ZNF407: variants seen among roughly 807,000 people sequenced by gnomAD.
The protein encoded by ZNF407 is zinc finger protein 407.
ZNF407 carries 17 observed loss-of-function variants against 131.2 expected under a neutral mutation model. The ratio of observed to expected loss-of-function variants is 0.13; its 90% CI spans 0.09 to 0.19. ZNF407 has a LOEUF of 0.19. Among genes scored for constraint, ZNF407 ranks in the 10% least tolerant of loss-of-function variants. ZNF407 has a pLI of 1.00. For missense variants in ZNF407, 2,681 were observed against 2,830.6 expected, an observed-to-expected ratio of 0.95 and a Z score of 1.20; for synonymous variants, 1,156 against 1,062.0, an observed-to-expected ratio of 1.09 and a Z score of -1.72.
chr18:74,795,241 C>T (rs1174794751), intron 4 of ZNF407, among the ~76,000 whole-genome samples: 2 of 151,956 alleles, frequency 1.3e-5, no homozygotes, highest in East Asian at 1.9e-4. Context: ...ACTCTGGGGC[C>T]GTTGGCAAAA....
chr18:74,697,018 T>C (rs556490006), intron 3 of ZNF407, among the ~76,000 whole-genome samples: 177 of 152,312 alleles, frequency 1.2e-3, no homozygotes, highest in African/African-American at 3.9e-3. Context: ...TTAGAAGGTC[T>C]CCAAATGATA....
rs750627056 is a variant in ZNF407, at chr18:74,631,689, G to A, written c.670G>A (p.Ala224Thr). The A allele has an allele frequency of 1.5e-5, 25 of 1,614,002 alleles. No individual in the cohort carries two copies. The South Asian group carries it at 2.7e-4, about 18-fold the overall frequency. ...TACCTGTTGTCACTGCAGCCACAAA[G>A]CAGAGAGCAGCTCAGCACTACATAT... ...EHTCCHCSHK[A>T]ESSSALHMHI... is the part of the protein sequence containing the mutation. The change falls in exon 2 of 9, where the codon GCA becomes ACA. Residue 224 changes from alanine (A) to threonine (T), a missense_variant. Coordinates refer to ENST00000299687, the MANE Select transcript of ZNF407 (RefSeq NM_017757.3).
intron 4 of ZNF407, among the ~76,000 whole-genome samples, chr18:74,833,633 A>G (rs529038525): frequency 6.6e-6 from 1 of 152,210 alleles, no homozygotes; most frequent in Non-Finnish European, 1.5e-5. Context: ...GGAGGTAAGC[A>G]AGGCTCAGGT....
intron 8 of ZNF407, among the ~76,000 whole-genome samples, chr18:75,032,100 G>A (rs188378073): frequency 2.6e-5 from 4 of 152,238 alleles, no homozygotes; most frequent in South Asian, 2.1e-4. Flanking sequence ...CACTCTAAAC[G>A]CCTGGACCCG....
chr18:74,876,976 C>T (rs377337496), intron 4 of ZNF407, among the ~76,000 whole-genome samples: 12 of 152,334 alleles, frequency 7.9e-5, no homozygotes, highest in African/African-American at 2.6e-4. Flanking sequence ...ATTTTTCAAA[C>T]CCGTTGGGCC....
rs1368685046 is a variant in ZNF407 at position 74,635,781 on chromosome 18, C to T, written c.4687+75C>T. 1.3e-6 allele frequency: 2 copies of T among 1,507,918 alleles called. No homozygotes were observed. The highest frequency in any genetic ancestry group is 1.8e-6 in the Non-Finnish European group (2 of 1,129,352). The allele number at this position is 1,507,918 out of a possible 1,614,324, so 93.4% of individuals were successfully genotyped here. On this transcript the variant is annotated intron_variant, in intron 2 of 8. Transcript: ENST00000299687. The surrounding 1 kb of genome is among the most constrained non-coding windows in gnomAD (Gnocchi z 4.7). ...TTCCCATCCAGATATGCAGCCCTAC[C>T]TGTGGCTGCTCATTGGCTTTCCACC...
intron 7 of ZNF407, among the ~76,000 whole-genome samples, chr18:74,916,954 A>C (rs552334794): frequency 6.6e-6 from 1 of 152,268 alleles, no homozygotes; most frequent in Admixed American, 6.5e-5. Flanking sequence ...GTAAAGGCCC[A>C]TGGAGGCTGA....
intron 3 of ZNF407, among the ~76,000 whole-genome samples, chr18:74,763,993 G>C (rs575461732): frequency 6.6e-6 from 1 of 151,874 alleles, no homozygotes; most frequent in African/African-American, 2.4e-5. Context: ...GATTACAGGC[G>C]TGAGCCACCG....
rs1164947021 is a variant in ZNF407, at chr18:74,816,498, C to T, written c.4877+34996C>T. On this transcript the variant is annotated intron_variant, in intron 4 of 8. Coordinates refer to ENST00000299687, the MANE Select transcript of ZNF407 (RefSeq NM_017757.3). ...CTGTTTCTATAAATGCATTTAAAAA[C>T]CTTTCTGAATGTTTATGGCTCTTAA... Among the ~76,000 whole-genome samples, 7 of 152,264 alleles carry T rather than the reference C, an allele frequency of 4.6e-5. No individual in the cohort carries two copies. In the South Asian group the frequency reaches 1.5e-3, roughly 32 times the overall value.
At chr18:74,638,199 A>G (rs1189981887) in intron 2 of ZNF407, among the ~76,000 whole-genome samples, 1 of 152,182 alleles carries the variant, frequency 6.6e-6, no homozygotes, top group African/African-American at 2.4e-5. Context: ...TAGGGCTGGT[A>G]GTGTTTGTAG....
In ZNF407 at chr18:74,630,849, A is replaced by G; in HGVS notation, c.-53-118A>G. On this transcript the variant is annotated intron_variant, in intron 1 of 8. Coordinates refer to ENST00000299687, the MANE Select transcript of ZNF407 (RefSeq NM_017757.3). ...AGACTTTAGACATGTAATCAAATTC[A>G]TCTCAGTATAAAGGGTGTTTCATTG... The G allele has an allele frequency of 4.6e-6, 3 of 658,112 alleles. No individual in the cohort carries two copies. The Admixed American group carries it at 1.1e-4, about 24-fold the overall frequency. 40.8% of individuals were successfully genotyped at this position (658,112 alleles called of 1,614,324 possible).
chr18:74,949,933 A>G, intron 8 of ZNF407, among the ~76,000 whole-genome samples: 1 of 152,168 alleles, frequency 6.6e-6, no homozygotes, highest in East Asian at 1.9e-4. Flanking sequence ...AAAAAACAAT[A>G]CTGATAGATT....
rs750239858 is a variant in ZNF407, at chr18:74,633,796, G to C, written c.2777G>C (p.Gly926Ala). The change falls in exon 2 of 9, where the codon GGT (glycine) becomes GCT (alanine). Residue 926 changes from glycine (G) to alanine (A), a missense_variant. By Grantham distance (60) the Gly-to-Ala change is moderately conservative. This residue lies in a region of ZNF407 where 1,789 missense variants were observed against 1,748.7 expected (regional missense o/e 1.02). Coordinates refer to ENST00000299687, the MANE Select transcript of ZNF407 (RefSeq NM_017757.3). Reference sequence around the variant, plus strand: ...GATATCATTGTTGGCCCTGAAGGGGGTAGCCTTGAAGCTGGTAAAAAGAAT... The same window carrying C: ...GATATCATTGTTGGCCCTGAAGGGGCTAGCCTTGAAGCTGGTAAAAAGAAT... ...SSDIIVGPEGGSLEAGKKNAG... is the reference protein window; with the variant it reads ...SSDIIVGPEGASLEAGKKNAG... 1 of 1,613,920 alleles carries C rather than the reference G, an allele frequency of 6.2e-7. No homozygotes were observed.
intron 8 of ZNF407, 93 bp downstream of exon 8, chr18:74,920,785 G>A: frequency 1.4e-6 from 2 of 1,430,528 alleles, no homozygotes; most frequent in South Asian, 3.3e-5. Context: ...ATGATTTATT[G>A]TAATGGAGTA....
chr18:74,902,103 T>C (rs1971533578), intron 7 of ZNF407, among the ~76,000 whole-genome samples: 2 of 152,216 alleles, frequency 1.3e-5, no homozygotes, highest in Middle Eastern at 3.2e-3. Context: ...TTGTATATTA[T>C]ACTGTCCTGG....
At chr18:74,820,296 A>G (rs1483963667) in intron 4 of ZNF407, among the ~76,000 whole-genome samples, 1 of 152,216 alleles carries the variant, frequency 6.6e-6, no homozygotes, top group African/African-American at 2.4e-5. Flanking sequence ...CCAGGGATCC[A>G]TGATGTCTAG....
At chr18:74,956,032 T>C (rs1203822805) in intron 8 of ZNF407, among the ~76,000 whole-genome samples, 1 of 152,234 alleles carries the variant, frequency 6.6e-6, no homozygotes, top group East Asian at 1.9e-4. Context: ...GGTTCTTTTT[T>C]CTGAAGTTCC....
intron 2 of ZNF407, 36 bp from the exon 3 acceptor site, chr18:74,640,972 C>G: frequency 6.7e-7 from 1 of 1,494,242 alleles, no homozygotes; most frequent in African/African-American, 1.4e-5. Context: ...ATGTATTATT[C>G]AAAATCAAAT....
chr18:74,914,740 T>G (rs1016135028), intron 7 of ZNF407, among the ~76,000 whole-genome samples: 1 of 151,954 alleles, frequency 6.6e-6, no homozygotes, highest in Admixed American at 6.6e-5. Flanking sequence ...CACCCAGGGG[T>G]GTTTCCTCTG....
Sources: gnomAD v4.1 joint callset for allele counts (sites outside exome capture counted in the v4.1 genomes callset) on GRCh38, gnomAD v4.1.1 for gene constraint, gnomAD v4.1.1 regional missense constraint, Gnocchi (gnomAD v3.1) non-coding constraint, MANE v1.5 for transcripts, NCBI Gene and HGNC (gene_info 2026-07-23, HGNC 2026-07-21) for gene names.